The following SCN4A variants were observed in gnomAD, a reference collection of about 807,000 sequenced individuals.
The protein encoded by SCN4A is sodium channel protein type 4 subunit alpha.
SCN4A carries 83 observed loss-of-function variants against 162.0 expected under a neutral mutation model. The ratio of observed to expected loss-of-function variants is 0.51; its 90% CI spans 0.43 to 0.61. The LOEUF (loss-of-function observed/expected upper bound fraction) is 0.61, where lower values mean the gene tolerates loss of function less well. SCN4A is among the 20% of genes least tolerant of loss of function. The pLI, the probability that SCN4A is intolerant of heterozygous loss-of-function variation, is 0.00. For synonymous variants in SCN4A, 944 were observed against 985.1 expected, an observed-to-expected ratio of 0.96 and a Z score of 0.78; for missense variants, 2,196 against 2,462.5, an observed-to-expected ratio of 0.89 and a Z score of 2.29.
At position 63,948,719 on chromosome 17, in the gene SCN4A, G is replaced by A. The variant is rs764500251; in HGVS notation, c.3036C>T (p.Gly1012=). The change falls in exon 16 of 24, where the codon GGC becomes GGT. Residue 1012 remains glycine (G), a synonymous_variant. Transcript: ENST00000435607. The part of the protein sequence containing the change: ...WPCLYVDISQ[G]RGKKWWTLRR... Reference sequence around the variant, plus strand: ...GCAGAGTCCACCACTTCTTCCCACGGCCCTGGGAGATGTCCACGTAGAGGC... The same window carrying A: ...GCAGAGTCCACCACTTCTTCCCACGACCCTGGGAGATGTCCACGTAGAGGC... The A allele has an allele frequency of 1.9e-6, 3 of 1,613,132 alleles. No individual in the cohort carries two copies. The highest frequency in any genetic ancestry group is 2.5e-6 in the Non-Finnish European group (3 of 1,179,576).
At chr17:63,942,669 A>T (rs1465913188) in intron 23 of SCN4A, among the ~76,000 whole-genome samples, 157 bp downstream of exon 23, 1 of 152,210 alleles carries the variant, frequency 6.6e-6, no homozygotes, top group Non-Finnish European at 1.5e-5. Flanking sequence ...TGTGCACACC[A>T]TGTGCCTTTG....
intron 13 of SCN4A, among the ~76,000 whole-genome samples, chr17:63,956,555 G>A (rs1219854410): frequency 6.6e-6 from 1 of 152,232 alleles, no homozygotes; most frequent in Non-Finnish European, 1.5e-5. Context: ...TCGGCGCCTG[G>A]ACCATAGGCC....
At chr17:63,971,987 C>A in intron 3 of SCN4A, 137 bp from the exon 4 acceptor site, 1 of 1,084,810 alleles carries the variant, frequency 9.2e-7, no homozygotes. Flanking sequence ...CGAGTGATAG[C>A]ATGGCCACCC....
rs755600392 is a variant in SCN4A at position 63,948,079 on chromosome 17, C to T, written c.3145-16G>A. 1 of 1,583,876 alleles carries T rather than the reference C, an allele frequency of 6.3e-7. No individual in the cohort carries two copies. Among genetic ancestry groups the T allele is most frequent in the South Asian group, 1.1e-5 (1 of 88,682 alleles). On this transcript the variant is annotated splice_polypyrimidine_tract_variant and intron_variant, in intron 16 of 23. Transcript: ENST00000435607. ...CCTCGAAGGCCTGGGGGCACCAGCACCACCAGGGTGGCTGGGGTCCAGCAG... is the reference window on the plus strand; with the variant it reads ...CCTCGAAGGCCTGGGGGCACCAGCATCACCAGGGTGGCTGGGGTCCAGCAG...
chr17:63,947,877 T>C lies in SCN4A; in HGVS notation c.3318+13A>G, dbSNP rs767474938. On this transcript the variant is annotated intron_variant, in intron 17 of 23. Transcript: ENST00000435607. Reference sequence around the variant, plus strand: ...TCTGGATGTAGCTACGGGGCCAGCGTGGGGGGACTCACATCCACGATGAGG... The same window carrying C: ...TCTGGATGTAGCTACGGGGCCAGCGCGGGGGGACTCACATCCACGATGAGG... 8 of 1,612,346 alleles carry C rather than the reference T, an allele frequency of 5.0e-6. No individual in the cohort carries two copies. The highest frequency in any genetic ancestry group is 4.5e-5 in the East Asian group (2 of 44,806).
rs763124097 is a variant in SCN4A, at chr17:63,941,893, G to T, written c.4389C>A (p.Arg1463=). Residue 1463 remains arginine, a synonymous_variant, in exon 24 of 24, where the codon CGC becomes CGA. Transcript: ENST00000435607. This position sits in a 1 kb window ranked among gnomAD's most constrained non-coding sequence, Gnocchi z 6.2. The stretch of plus-strand genomic sequence containing the variant: ...GCAGCGTCCGGATGCCCTTGGCCCC[G>T]CGGATCAGCCGCAGGACACGCCCAA... The part of the protein sequence containing the change: ...ARIGRVLRLI[R]GAKGIRTLLF... The T allele has an allele frequency of 9.3e-6, 15 of 1,613,458 alleles. No homozygotes were observed. In the East Asian group the frequency reaches 2.2e-4, roughly 24 times the overall value.
chr17:63,966,113 G>T lies in SCN4A; in HGVS notation c.1231C>A (p.Leu411Ile). The T allele has an allele frequency of 5.1e-6, 8 of 1,583,226 alleles. No individual in the cohort carries two copies. The highest frequency in any genetic ancestry group is 6.9e-6 in the Non-Finnish European group (8 of 1,164,576). The change falls in exon 8 of 24, where the codon CTC (leucine) becomes ATC (isoleucine). Residue 411 changes from leucine (L) to isoleucine (I), a missense_variant. Transcript: ENST00000435607. Reference protein sequence around the residue: ...RLMTQDYWENLFQLTLRAAGK... With the variant: ...RLMTQDYWENIFQLTLRAAGK... ...GGGGGCAGCTGTACCAGCTGGAAGA[G>T]GTTCTCCCAATAGTCCTGTGTCATG...
Position 63,949,547 on chromosome 17 carries a change from C to T in SCN4A, c.2854-19G>A, listed in dbSNP as rs1280578508. ...GCGGCTTCTGCGGAGGCCACAGGGT[C>T]ACATGACATCTGGGTCCCTGAGAGA... On this transcript the variant is annotated intron_variant, in intron 14 of 23. Coordinates refer to ENST00000435607, the MANE Select transcript of SCN4A (RefSeq NM_000334.4). The T allele has an allele frequency of 4.4e-6, 7 of 1,589,336 alleles. No individual in the cohort carries two copies. The highest frequency in any genetic ancestry group is 3.4e-5 in the Admixed American group (2 of 58,550).
chr17:63,958,197 C>G (rs1286715541), intron 12 of SCN4A, among the ~76,000 whole-genome samples: 1 of 151,888 alleles, frequency 6.6e-6, no homozygotes, highest in Admixed American at 6.6e-5. Flanking sequence ...TGGCGAAACC[C>G]TGACCTACAA....
Position 63,941,379 on chromosome 17 carries a change from T to C in SCN4A, c.4903A>G (p.Ile1635Val), listed in dbSNP as rs1359548805. The C allele has an allele frequency of 6.2e-7, 1 of 1,613,944 alleles. No individual in the cohort carries two copies. The highest frequency in any genetic ancestry group is 1.1e-5 in the South Asian group (1 of 91,074). Residue 1635 changes from isoleucine (I) to valine (V), a missense_variant, in exon 24 of 24, where the codon ATC (isoleucine) becomes GTC (valine). By Grantham distance (29) the Ile-to-Val change is conservative. Coordinates refer to ENST00000435607, the MANE Select transcript of SCN4A (RefSeq NM_000334.4). The surrounding 1 kb of genome is among the most constrained non-coding windows in gnomAD (Gnocchi z 6.2). ...AAGTCTGAGAGGCGGCTGTAGGCGA[T>C]GAACTGGGTGGCGTCGGGGTCGAAC... Reference protein sequence around the residue: ...EKFDPDATQFIAYSRLSDFVD... With the variant: ...EKFDPDATQFVAYSRLSDFVD...
intron 17 of SCN4A, 122 bp from the exon 18 acceptor site, chr17:63,947,289 T>C (rs1186865004): frequency 8.0e-7 from 1 of 1,255,928 alleles, no homozygotes; most frequent in Non-Finnish European, 1.1e-6. Flanking sequence ...CCCTCCCTAG[T>C]GGGTGGTCCT....
At position 63,972,234 on chromosome 17, in the gene SCN4A, G is replaced by A. The variant is rs760791116; in HGVS notation, c.393-9C>T. The A allele has an allele frequency of 6.2e-7, 1 of 1,612,476 alleles. No homozygotes were observed. Among genetic ancestry groups the A allele is most frequent in the East Asian group, 2.2e-5 (1 of 44,844 alleles). On this transcript the variant is annotated splice_polypyrimidine_tract_variant and intron_variant, in intron 2 of 23. Coordinates refer to ENST00000435607, the MANE Select transcript of SCN4A (RefSeq NM_000334.4). This position sits in a 1 kb window ranked among gnomAD's most constrained non-coding sequence, Gnocchi z 4.3. Reference sequence around the variant, plus strand: ...TGAACATGCTGAACAGCGTGGGGCAGGGTCAAGGAAAGTGAGGAAGCAGCT... The same window carrying A: ...TGAACATGCTGAACAGCGTGGGGCAAGGTCAAGGAAAGTGAGGAAGCAGCT...
intron 13 of SCN4A, among the ~76,000 whole-genome samples, chr17:63,956,145 T>C (rs1360362322): frequency 6.6e-6 from 1 of 152,254 alleles, no homozygotes; most frequent in African/African-American, 2.4e-5. Context: ...GGCCCCTTCC[T>C]CTGCACCAGC....
At chr17:63,942,690 G>A (rs1330965237) in intron 23 of SCN4A, 136 bp downstream of exon 23, 2 of 893,918 alleles carry the variant, frequency 2.2e-6, no homozygotes, top group Non-Finnish European at 3.4e-6. Context: ...TGCATTGAGA[G>A]TGAATGGCAG....
chr17:63,947,011 C>T lies in SCN4A; in HGVS notation c.3441+34G>A, dbSNP rs953299916. On this transcript the variant is annotated intron_variant, in intron 18 of 23. Transcript: ENST00000435607. Reference sequence around the variant, plus strand: ...CAGTGAAGGTGGCCGGTCCCCCATCCCCAGCCCACCCCAGAGGCCCCTTCA... The same window carrying T: ...CAGTGAAGGTGGCCGGTCCCCCATCTCCAGCCCACCCCAGAGGCCCCTTCA... The T allele has an allele frequency of 3.5e-6, 5 of 1,447,664 alleles. 1 individual carries two copies. Among genetic ancestry groups the T allele is most frequent in the Non-Finnish European group, 4.8e-6 (5 of 1,045,962 alleles). 89.7% of individuals were successfully genotyped at this position (1,447,664 alleles called of 1,614,324 possible). A position where few individuals can be genotyped will look rare whatever the true frequency, so the allele number is the denominator to read the frequency against.
chr17:63,969,831 C>T (rs11656511), intron 5 of SCN4A, among the ~76,000 whole-genome samples: 46,370 of 151,738 alleles, frequency 0.31, 8,141 homozygotes, highest in Non-Finnish European at 0.4. Flanking sequence ...TGAGTAGAGA[C>T]GGGGTTTCAC....
chr17:63,959,514 C>A, intron 11 of SCN4A, 76 bp from the exon 12 acceptor site: 1 of 1,426,984 alleles, frequency 7.0e-7, no homozygotes, highest in South Asian at 1.2e-5. Context: ...CCAACTCCCA[C>A]CTCCTGGCAG....
intron 6 of SCN4A, among the ~76,000 whole-genome samples, chr17:63,967,046 C>T (rs991620185): frequency 6.6e-6 from 1 of 152,002 alleles, no homozygotes; most frequent in Non-Finnish European, 1.5e-5. Flanking sequence ...TGATGGTGAC[C>T]CTGCCAGGAT....
At chr17:63,961,604 A>G (rs932694067) in intron 10 of SCN4A, 173 bp from the exon 11 acceptor site, 4 of 410,858 alleles carry the variant, frequency 9.7e-6, no homozygotes, top group African/African-American at 2.2e-5. Context: ...CCTTACTGTC[A>G]CCTCCCCTGT....
Sources: allele counts gnomAD v4.1 joint callset (sites outside exome capture counted in the v4.1 genomes callset), GRCh38; gene constraint gnomAD v4.1.1; non-coding constraint Gnocchi (gnomAD v3.1); transcripts MANE v1.5; gene names NCBI Gene and HGNC (gene_info 2026-07-23, HGNC 2026-07-21).